NEURL4: variants seen among roughly 807,000 people sequenced by gnomAD.
The protein encoded by NEURL4 is neuralized E3 ubiquitin protein ligase 4.
NEURL4 carries 45 observed loss-of-function variants against 148.0 expected under a neutral mutation model. The ratio of observed to expected loss-of-function variants is 0.30; its 90% confidence interval spans 0.24 to 0.39. The LOEUF (loss-of-function observed/expected upper bound fraction) is 0.39, where lower values mean the gene tolerates loss of function less well. Among genes scored for constraint, NEURL4 ranks in the 10% least tolerant of loss-of-function variants. The pLI is 1.00. For missense variants in NEURL4, 1,776 were observed against 2,144.0 expected, an observed-to-expected ratio of 0.83 and a Z score of 3.39; for synonymous variants, 854 against 869.0, an observed-to-expected ratio of 0.98 and a Z score of 0.30.
rs776884805 is a variant in NEURL4, at chr17:7,321,241, T to A, written c.3231A>T (p.Pro1077=). The A allele has an allele frequency of 6.2e-7, 1 of 1,613,984 alleles. No individual in the cohort carries two copies. Among genetic ancestry groups the A allele is most frequent in the South Asian group, 1.1e-5 (1 of 91,072 alleles). The part of the protein sequence containing the change: ...NVWAVLDLYG[P]VRGVSIVSST... ...AACTGACAATTGACACACCGCGGAC[T>A]GGCCCGTAGAGATCCAACACAGCCC... Residue 1077 remains proline, a synonymous_variant, in exon 20 of 29, where the codon CCA becomes CCT. Coordinates refer to ENST00000399464, the MANE Select transcript of NEURL4 (RefSeq NM_032442.3). The surrounding 1 kb of genome is among the most constrained non-coding windows in gnomAD (Gnocchi z 6.3).
At position 7,324,073 on chromosome 17, in the gene NEURL4, C is replaced by A; in HGVS notation, c.2062+35G>T. The A allele has an allele frequency of 6.2e-7, 1 of 1,610,062 alleles. No homozygotes were observed. Among genetic ancestry groups the A allele is most frequent in the South Asian group, 1.1e-5 (1 of 91,048 alleles). On this transcript the variant is annotated intron_variant, in intron 11 of 28. Transcript: ENST00000399464. The surrounding 1 kb of genome is among the most constrained non-coding windows in gnomAD (Gnocchi z 5.9). ...TGTCTCTCAGACCTCCCAAGGCCAC[C>A]CTAACCCCCAGCCCCAGCCCAGCCC...
chr17:7,318,770 T>C lies in NEURL4; in HGVS notation c.3685-96A>G. ...CTTCCTTTTGCCAGTGCCTTGGCTT[T>C]GCCTCCATGCTTGCCCACTGCCGAG... On this transcript the variant is annotated intron_variant, in intron 22 of 28. Coordinates refer to ENST00000399464, the MANE Select transcript of NEURL4 (RefSeq NM_032442.3). This position sits in a 1 kb window ranked among gnomAD's most constrained non-coding sequence, Gnocchi z 4.3. 1 of 1,348,940 alleles carries C rather than the reference T, an allele frequency of 7.4e-7. No homozygotes were observed. 83.6% of individuals were successfully genotyped at this position (1,348,940 alleles called of 1,614,324 possible).
In NEURL4 at chr17:7,326,874, G is replaced by A. The variant is rs2073109709; in HGVS notation, c.929C>T (p.Pro310Leu). ...CAGGGCATCGTTGGAAGTGAGAATGGGCGAGGTGGCAGCACCGCTAGATCC... is the reference window on the plus strand; with the variant it reads ...CAGGGCATCGTTGGAAGTGAGAATGAGCGAGGTGGCAGCACCGCTAGATCC... ...GLGSSGAATS[P>L]ILTSNDALLF... The change falls in exon 4 of 29, where the codon CCC (proline) becomes CTC (leucine). Residue 310 changes from proline (P) to leucine (L), a missense_variant. Coordinates refer to ENST00000399464, the MANE Select transcript of NEURL4 (RefSeq NM_032442.3). The surrounding 1 kb of genome is among the most constrained non-coding windows in gnomAD (Gnocchi z 6.0). 1.2e-6 allele frequency: 2 copies of A among 1,613,990 alleles called. No homozygotes were observed. Among genetic ancestry groups the A allele is most frequent in the Non-Finnish European group, 1.7e-6 (2 of 1,179,984 alleles).
rs1282941013 is a variant in NEURL4 at position 7,324,051 on chromosome 17, C to T, written c.2063-39G>A. ...CATCACCCATCAGGTCTCTAGGTGT[C>T]TCTCAGACCTCCCAAGGCCACCCTA... On this transcript the variant is annotated intron_variant, in intron 11 of 28. Transcript: ENST00000399464. This position sits in a 1 kb window ranked among gnomAD's most constrained non-coding sequence, Gnocchi z 5.9. 1 of 1,608,740 alleles carries T rather than the reference C, an allele frequency of 6.2e-7. No individual in the cohort carries two copies. The highest frequency in any genetic ancestry group is 1.7e-5 in the Admixed American group (1 of 59,996).
chr17:7,325,811 A>C (rs2143013290), intron 6 of NEURL4, 98 bp from the exon 7 acceptor site: 15 of 990,302 alleles, frequency 1.5e-5, no homozygotes, highest in Non-Finnish European at 2.4e-5. Context: ...TGAGAGTCTC[A>C]GACCACCCTG....
chr17:7,328,758 T>C (rs1466485347), intron 1 of NEURL4, among the ~76,000 whole-genome samples: 1 of 152,216 alleles, frequency 6.6e-6, no homozygotes, highest in Non-Finnish European at 1.5e-5. Context: ...CAAGAAATTG[T>C]ACCAGGAGGT....
At position 7,322,892 on chromosome 17, in the gene NEURL4, G is replaced by T; in HGVS notation, c.2594-26C>A. On this transcript the variant is annotated intron_variant, in intron 15 of 28. Coordinates refer to ENST00000399464, the MANE Select transcript of NEURL4 (RefSeq NM_032442.3). This position sits in a 1 kb window ranked among gnomAD's most constrained non-coding sequence, Gnocchi z 5.5. ...CTGGGGAGGAGAGGGAAGGTCAGAA[G>T]CCTGACAGCCAGGTGGTCTGGGCTG... is the stretch of plus-strand genomic sequence containing the variant. The T allele has an allele frequency of 6.2e-7, 1 of 1,611,230 alleles. No homozygotes were observed. Among genetic ancestry groups the T allele is most frequent in the Non-Finnish European group, 8.5e-7 (1 of 1,177,574 alleles).
Position 7,327,071 on chromosome 17 carries a change from C to G in NEURL4, c.794-62G>C, listed in dbSNP as rs1462693803. ...TGGGATGAGGCTCTACACCCCCAGA[C>G]CTGGTGCCTCTCTCCCTACCCCTTC... On this transcript the variant is annotated intron_variant, in intron 3 of 28. Coordinates refer to ENST00000399464, the MANE Select transcript of NEURL4 (RefSeq NM_032442.3). The surrounding 1 kb of genome is among the most constrained non-coding windows in gnomAD (Gnocchi z 6.6). The G allele has an allele frequency of 1.3e-6, 2 of 1,599,902 alleles. No homozygotes were observed. Among genetic ancestry groups the G allele is most frequent in the Non-Finnish European group, 1.7e-6 (2 of 1,174,624 alleles).
In NEURL4 at chr17:7,324,290, G is replaced by A; in HGVS notation, c.1900-20C>T. On this transcript the variant is annotated intron_variant, in intron 10 of 28. Coordinates refer to ENST00000399464, the MANE Select transcript of NEURL4 (RefSeq NM_032442.3). This position sits in a 1 kb window ranked among gnomAD's most constrained non-coding sequence, Gnocchi z 5.9. The stretch of plus-strand genomic sequence containing the variant: ...CCCTGCCTTGGAAGAAGGGGGTGCT[G>A]GAGTGAGGAGTCAGGCAGAGTTCCT... The A allele has an allele frequency of 6.2e-7, 1 of 1,613,492 alleles. No homozygotes were observed. Among genetic ancestry groups the A allele is most frequent in the Non-Finnish European group, 8.5e-7 (1 of 1,179,550 alleles).
rs1241674615 is a variant in NEURL4, at chr17:7,327,627, C to A, written c.540G>T (p.Val180=). Residue 180 remains valine, a synonymous_variant, in exon 2 of 29, where the codon GTG becomes GTT. Transcript: ENST00000399464. The surrounding 1 kb of genome is among the most constrained non-coding windows in gnomAD (Gnocchi z 6.6). ...RLWVNGRDCG[V]AATGLPPRVW... ...CACGAGGGGGCAGGCCTGTGGCAGC[C>A]ACACCGCAATCCCGCCCATTCACCC... 1 of 1,613,140 alleles carries A rather than the reference C, an allele frequency of 6.2e-7. No homozygotes were observed. Among genetic ancestry groups the A allele is most frequent in the Admixed American group, 1.7e-5 (1 of 60,020 alleles).
chr17:7,318,386 T>C lies in NEURL4; in HGVS notation c.3865-30A>G, dbSNP rs754749795. On this transcript the variant is annotated intron_variant, in intron 23 of 28. Transcript: ENST00000399464. The surrounding 1 kb of genome is among the most constrained non-coding windows in gnomAD (Gnocchi z 4.3). Reference sequence around the variant, plus strand: ...AGGGGAGAGGGTAGTCAGACAGAGCTTGGTCAGACCCCAGGGCCTGCTGAT... The same window carrying C: ...AGGGGAGAGGGTAGTCAGACAGAGCCTGGTCAGACCCCAGGGCCTGCTGAT... 6.2e-7 allele frequency: 1 copy of C among 1,613,090 alleles called. No individual in the cohort carries two copies. Among genetic ancestry groups the C allele is most frequent in the Non-Finnish European group, 8.5e-7 (1 of 1,179,154 alleles).
chr17:7,320,732 A>G (rs1015767815), intron 21 of NEURL4, 27 bp downstream of exon 21: 1 of 1,599,784 alleles, frequency 6.3e-7, no homozygotes, highest in South Asian at 1.1e-5. Flanking sequence ...GAGCGAGAGA[A>G]GCTGGGGATA....
rs377156437 is a variant in NEURL4 at position 7,324,133 on chromosome 17, G to T, written c.2037C>A (p.Ala679=). The T allele has an allele frequency of 2.5e-6, 4 of 1,613,282 alleles. No homozygotes were observed. The African/African-American group carries it at 5.3e-5, about 22-fold the overall frequency. ...YAVVDLYGQA[A]QATIVDDVEV... ...CCACGTCGTCCACAATGGTGGCCTG[G>T]GCCGCCTGGCCATAGAGATCGACGA... The change falls in exon 11 of 29, where the codon GCC becomes GCA. Residue 679 remains alanine, a synonymous_variant. Transcript: ENST00000399464. The surrounding 1 kb of genome is among the most constrained non-coding windows in gnomAD (Gnocchi z 5.9).
Position 7,318,328 on chromosome 17 carries a change from G to T in NEURL4, c.3893C>A (p.Ala1298Asp). The T allele has an allele frequency of 6.2e-7, 1 of 1,614,146 alleles. No homozygotes were observed. The highest frequency in any genetic ancestry group is 8.5e-7 in the Non-Finnish European group (1 of 1,180,014). Residue 1298 changes from alanine to aspartate, a missense_variant, in exon 24 of 29, where the codon GCT (alanine) becomes GAT (aspartate). By Grantham distance (126) the Ala-to-Asp change is moderately radical (BLOSUM62 -2). Transcript: ENST00000399464. This position sits in a 1 kb window ranked among gnomAD's most constrained non-coding sequence, Gnocchi z 4.3. ...QVTIVNPEPG[A>D]ASGKSAGTQG... Reference sequence around the variant, plus strand: ...GGTTCCAGCACTTTTCCCACTGGCAGCCCCTGGCTCAGGGTTCACGATTGT... The same window carrying T: ...GGTTCCAGCACTTTTCCCACTGGCATCCCCTGGCTCAGGGTTCACGATTGT...
Position 7,322,905 on chromosome 17 carries a change from G to A in NEURL4, c.2594-39C>T, listed in dbSNP as rs1044820690. 3.7e-6 allele frequency: 6 copies of A among 1,610,724 alleles called. No homozygotes were observed. In the African/African-American group the frequency reaches 4.0e-5, roughly 11 times the overall value. On this transcript the variant is annotated intron_variant, in intron 15 of 28. Transcript: ENST00000399464. The surrounding 1 kb of genome is among the most constrained non-coding windows in gnomAD (Gnocchi z 5.5). ...GGAAGGTCAGAAGCCTGACAGCCAG[G>A]TGGTCTGGGCTGAGGGTGGCAGGCT...
chr17:7,316,155 G>T lies in NEURL4; in HGVS notation c.4657C>A (p.Leu1553Ile). The T allele has an allele frequency of 6.3e-7, 1 of 1,583,136 alleles. No individual in the cohort carries two copies. The highest frequency in any genetic ancestry group is 8.7e-7 in the Non-Finnish European group (1 of 1,151,660). ...ACCCGTACCAGCAGGGCACAGAGGA[G>T]TGTGGCCCCCTTCTCCTTAGTGACC... ...EWVTKEKGAT[L>I]LCALLVRVE The change falls in exon 29 of 29, where the codon CTC (leucine) becomes ATC (isoleucine). Residue 1553 changes from leucine (L) to isoleucine (I), a missense_variant. Leu to Ile is a conservative substitution (Grantham distance 5). Transcript: ENST00000399464.
chr17:7,319,954 C>A (rs895529662), intron 21 of NEURL4, among the ~76,000 whole-genome samples: 1 of 151,742 alleles, frequency 6.6e-6, no homozygotes, highest in Non-Finnish European at 1.5e-5. Flanking sequence ...CTCAGCCTCC[C>A]GAGTAGCTGG....
intron 21 of NEURL4, 105 bp from the exon 22 acceptor site, chr17:7,319,313 A>ATGC: frequency 1.2e-6 from 1 of 800,172 alleles, no homozygotes; most frequent in Non-Finnish European, 1.8e-6. Flanking sequence ...GTGGCCTGGG[A>ATGC]TGCTGCCTTT....
chr17:7,317,971 C>T, intron 25 of NEURL4, 39 bp from the exon 26 acceptor site: 1 of 1,613,572 alleles, frequency 6.2e-7, no homozygotes, highest in Non-Finnish European at 8.5e-7. Flanking sequence ...GCTGTGGCTC[C>T]CACCTCAACC....
Sources: gnomAD v4.1 joint callset for allele counts (sites outside exome capture counted in the v4.1 genomes callset) on GRCh38, gnomAD v4.1.1 for gene constraint, Gnocchi (gnomAD v3.1) non-coding constraint, MANE v1.5 for transcripts, NCBI Gene and HGNC (gene_info 2026-07-23, HGNC 2026-07-21) for gene names.